CAMK1D: variants seen among roughly 807,000 people sequenced by gnomAD.
The protein encoded by CAMK1D is calcium/calmodulin dependent protein kinase ID, also known as calcium/calmodulin-dependent protein kinase type 1D.
A neutral mutation model predicts 47.7 loss-of-function variants in CAMK1D; 9 were observed. That is an observed-to-expected ratio of 0.19 (90% confidence interval 0.11 to 0.33). CAMK1D has a LOEUF of 0.33. CAMK1D is among the 10% of genes least tolerant of loss of function. The probability of loss-of-function intolerance (pLI) is 1.00; values close to 1 mark genes in which losing one functional copy is unlikely to be tolerated. For missense variants in CAMK1D, 291 were observed against 488.7 expected (o/e 0.60, Z 3.81); for synonymous variants, 184 against 184.9 (o/e 0.99, Z 0.04).
chr10:12,697,967 A>G (rs1409613009), intron 3 of CAMK1D, among the ~76,000 whole-genome samples: 1 of 152,154 alleles, frequency 6.6e-6, no homozygotes, highest in Non-Finnish European at 1.5e-5. Context: ...AAATCCTATG[A>G]AGTCCATTCA....
intron 1 of CAMK1D, among the ~76,000 whole-genome samples, chr10:12,535,308 C>T (rs1199587808): frequency 6.6e-6 from 1 of 152,222 alleles, no homozygotes; most frequent in East Asian, 1.9e-4. Flanking sequence ...AAATTTCACT[C>T]TCTGTTCTGA....
At chr10:12,734,008 T>TTCCCCTGA (rs113536634) in intron 3 of CAMK1D, among the ~76,000 whole-genome samples, 4,227 of 152,094 alleles carry the variant, frequency 0.028, 120 homozygotes, top group African/African-American at 0.067. Context: ...TCTCTTGTGC[T>TTCCCCTGA]TCCCCTGAGC....
intron 5 of CAMK1D, among the ~76,000 whole-genome samples, chr10:12,779,948 A>G (rs1837419372): frequency 1.3e-5 from 2 of 152,224 alleles, no homozygotes; most frequent in South Asian, 4.1e-4. Flanking sequence ...TCGGGGAAGG[A>G]ATCGTTCATT....
chr10:12,768,298 G>A lies in CAMK1D; in HGVS notation c.439-1375G>A, dbSNP rs181041611. Among the ~76,000 whole-genome samples, 383 of 152,302 alleles carry A rather than the reference G, an allele frequency of 2.5e-3. 2 individuals carry two copies. The highest frequency in any genetic ancestry group is 8.7e-3 in the African/African-American group (362 of 41,562). ...GGAGTAAAATGGGAGGCAGGATTGC[G>A]TAGTTCCCAGCTTGACTTTTCCCTC... On this transcript the variant is annotated intron_variant, in intron 4 of 10. Coordinates refer to ENST00000619168, the MANE Select transcript of CAMK1D (RefSeq NM_153498.4).
chr10:12,655,321 G>A (rs1840089035), intron 2 of CAMK1D, among the ~76,000 whole-genome samples: 2 of 152,016 alleles, frequency 1.3e-5, no homozygotes, highest in South Asian at 2.1e-4. Context: ...AAGCCATGAG[G>A]GATCCACCCC....
intron 1 of CAMK1D, among the ~76,000 whole-genome samples, chr10:12,418,832 C>G (rs891370926): frequency 1.3e-5 from 2 of 152,166 alleles, no homozygotes; most frequent in South Asian, 2.1e-4. Flanking sequence ...TTGCAGACCC[C>G]CACGTGGTGG....
chr10:12,624,401 A>C (rs1839141414), intron 2 of CAMK1D, among the ~76,000 whole-genome samples: 1 of 152,136 alleles, frequency 6.6e-6, no homozygotes, highest in Admixed American at 6.6e-5. Flanking sequence ...GTAACTGCCT[A>C]ATTTCCCTCC....
At chr10:12,622,307 C>T (rs1234819331) in intron 2 of CAMK1D, among the ~76,000 whole-genome samples, 1 of 152,080 alleles carries the variant, frequency 6.6e-6, no homozygotes. Flanking sequence ...GCTGCCTTCC[C>T]CTGGTCACTG....
intron 1 of CAMK1D, among the ~76,000 whole-genome samples, chr10:12,402,902 C>T (rs554256630): frequency 3.7e-4 from 57 of 152,088 alleles, no homozygotes; most frequent in African/African-American, 1.3e-3. Flanking sequence ...GTTCCAGATG[C>T]GCAGAATTGC....
chr10:12,385,307 T>C (rs1838459316), intron 1 of CAMK1D, among the ~76,000 whole-genome samples: 1 of 152,254 alleles, frequency 6.6e-6, no homozygotes, highest in African/African-American at 2.4e-5. Flanking sequence ...TGAATGTTCA[T>C]GGCAGTGTTA....
chr10:12,587,649 A>G, intron 2 of CAMK1D, among the ~76,000 whole-genome samples: 1 of 151,886 alleles, frequency 6.6e-6, no homozygotes, highest in Non-Finnish European at 1.5e-5. Flanking sequence ...GAGGGCAGGG[A>G]GGACTCCTTA....
chr10:12,742,592 T>G (rs1424524050), intron 3 of CAMK1D, among the ~76,000 whole-genome samples: 1 of 152,228 alleles, frequency 6.6e-6, no homozygotes, highest in Non-Finnish European at 1.5e-5. Flanking sequence ...AAATTATGTC[T>G]GGTAGATTTT....
chr10:12,379,090 A>G (rs1400120294), intron 1 of CAMK1D, among the ~76,000 whole-genome samples: 1 of 152,090 alleles, frequency 6.6e-6, no homozygotes, highest in Non-Finnish European at 1.5e-5. Flanking sequence ...GATTACAGGC[A>G]AGAGCCACTG....
At chr10:12,461,709 A>C (rs1010413083) in intron 1 of CAMK1D, among the ~76,000 whole-genome samples, 1 of 147,110 alleles carries the variant, frequency 6.8e-6, no homozygotes, top group African/African-American at 2.5e-5. Flanking sequence ...AAAAAAAAAG[A>C]AGCTTTCAAA....
intron 2 of CAMK1D, among the ~76,000 whole-genome samples, chr10:12,556,860 G>C (rs1836778277): frequency 6.6e-6 from 1 of 152,230 alleles, no homozygotes; most frequent in Non-Finnish European, 1.5e-5. Flanking sequence ...AGGGAGAATA[G>C]TGAGGAGGCT....
At chr10:12,722,895 T>C (rs1433821388) in intron 3 of CAMK1D, among the ~76,000 whole-genome samples, 1 of 152,148 alleles carries the variant, frequency 6.6e-6, no homozygotes, top group Admixed American at 6.5e-5. Flanking sequence ...AATAAGTATG[T>C]GACAGAATAT....
At chr10:12,642,967 T>C (rs1477858470) in intron 2 of CAMK1D, among the ~76,000 whole-genome samples, 2 of 152,208 alleles carry the variant, frequency 1.3e-5, no homozygotes, top group Non-Finnish European at 2.9e-5. Context: ...GGGTAACTTC[T>C]TTATTCTCCT....
intron 3 of CAMK1D, among the ~76,000 whole-genome samples, chr10:12,759,050 ATAAT>A (rs1342911984): frequency 6.6e-6 from 1 of 152,210 alleles, no homozygotes; most frequent in Non-Finnish European, 1.5e-5. Flanking sequence ...AGTTGAATAA[ATAAT>A]TAAGTGAATG....
At chr10:12,416,513 C>G (rs1839855027) in intron 1 of CAMK1D, among the ~76,000 whole-genome samples, 1 of 152,208 alleles carries the variant, frequency 6.6e-6, no homozygotes, top group South Asian at 2.1e-4. Context: ...TCTGCTGCAG[C>G]TCCGGCTGGA....
Sources: allele counts gnomAD v4.1 joint callset (sites outside exome capture counted in the v4.1 genomes callset), GRCh38; gene constraint gnomAD v4.1.1; transcripts MANE v1.5; gene names NCBI Gene and HGNC (gene_info 2026-07-23, HGNC 2026-07-21).